The following CFAP43 variants were observed in gnomAD, a reference collection of about 807,000 sequenced individuals.
The protein encoded by CFAP43 is cilia- and flagella-associated protein 43.
A neutral mutation model predicts 218.9 loss-of-function variants in CFAP43; 155 were observed. That is an observed-to-expected ratio of 0.71 (90% confidence interval 0.62 to 0.81). The LOEUF is 0.81. Ranked by LOEUF, CFAP43 falls within the 30% of genes least tolerant of loss-of-function variation. The pLI is 0.00. For missense variants in CFAP43, 1,778 were observed against 1,954.3 expected (o/e 0.91, Z 1.70); for synonymous variants, 645 against 681.3 (o/e 0.95, Z 0.83).
intron 5 of CFAP43, among the ~76,000 whole-genome samples, chr10:104,211,044 G>A (rs2134969970): frequency 6.6e-6 from 1 of 151,966 alleles, no homozygotes; most frequent in South Asian, 2.1e-4. Flanking sequence ...ACCCGTCTCG[G>A]CCTCCCAAAG....
chr10:104,189,094 C>T (rs1207036303), intron 12 of CFAP43, among the ~76,000 whole-genome samples: 1 of 152,174 alleles, frequency 6.6e-6, no homozygotes, highest in Admixed American at 6.5e-5. Context: ...ACACTTTCCC[C>T]TTGTCTGTTT....
Position 104,133,629 on chromosome 10 carries a change from A to T in CFAP43, c.4587T>A (p.Asp1529Glu). Residue 1529 changes from aspartate to glutamate, a missense_variant, in exon 35 of 38, where the codon GAT (aspartate) becomes GAA (glutamate). This residue lies in a region of CFAP43 where 211 missense variants were observed against 230.6 expected (regional missense o/e 0.91). Coordinates refer to ENST00000357060, the MANE Select transcript of CFAP43 (RefSeq NM_025145.7). ...GGTAGGGAGAATTTACCTTTTGACGATCTCTTGAAAAAAATAGCATCTGAA... is the reference window on the plus strand; with the variant it reads ...GGTAGGGAGAATTTACCTTTTGACGTTCTCTTGAAAAAAATAGCATCTGAA... ...WDIQMLFFSR[D>E]RQKYLNEPNY... 1 of 1,611,048 alleles carries T rather than the reference A, an allele frequency of 6.2e-7. No homozygotes were observed. Among genetic ancestry groups the T allele is most frequent in the Middle Eastern group, 1.7e-4 (1 of 6,050 alleles).
At chr10:104,208,841 G>A (rs2090772047) in intron 5 of CFAP43, among the ~76,000 whole-genome samples, 1 of 152,120 alleles carries the variant, frequency 6.6e-6, no homozygotes, top group South Asian at 2.1e-4. Flanking sequence ...TTGAGATTAA[G>A]TTCATGATCT....
chr10:104,171,490 TC>T (rs1043768367), intron 20 of CFAP43, among the ~76,000 whole-genome samples: 1 of 152,218 alleles, frequency 6.6e-6, no homozygotes, highest in African/African-American at 2.4e-5. Flanking sequence ...GAAACCTCCC[TC>T]CTAGAGGCAT....
chr10:104,223,361 TAAACATAATG>T lies in CFAP43; in HGVS notation c.416+2090_416+2099del, dbSNP rs967116095. Among the ~76,000 whole-genome samples, 29 of 152,334 alleles carry T rather than the reference TAAACATAATG, an allele frequency of 1.9e-4. 1 individual carries two copies. Among genetic ancestry groups the T allele is most frequent in the African/African-American group, 7.0e-4 (29 of 41,580 alleles). On this transcript the variant is annotated intron_variant, in intron 3 of 37. Transcript: ENST00000357060. ...ATCATTTTTGAAACTCTGACTTAAA[TAAACATAATG>T]TAATAGACACTATTAGGTATGATGC... is the stretch of plus-strand genomic sequence containing the variant.
Position 104,194,008 on chromosome 10 carries a change from C to T in CFAP43, c.1300G>A (p.Val434Ile). ...SKIYLNTLATVLACCPSSLSA... is the reference protein window; with the variant it reads ...SKIYLNTLATILACCPSSLSA... ...AGGGAGGATGGACAGCAAGCCAGAA[C>T]CGTTGCCTGTTTAAAATAAACCCCA... is the stretch of plus-strand genomic sequence containing the variant. Residue 434 changes from valine to isoleucine, a missense_variant, in exon 11 of 38, where the codon GTT (valine) becomes ATT (isoleucine). Val to Ile is a conservative substitution (Grantham distance 29). Transcript: ENST00000357060. The T allele has an allele frequency of 6.2e-7, 1 of 1,613,372 alleles. No individual in the cohort carries two copies. Among genetic ancestry groups the T allele is most frequent in the East Asian group, 2.2e-5 (1 of 44,882 alleles).
chr10:104,214,337 T>G lies in CFAP43; in HGVS notation c.506A>C (p.Gln169Pro). 1.2e-6 allele frequency: 2 copies of G among 1,612,240 alleles called. No homozygotes were observed. Among genetic ancestry groups the G allele is most frequent in the Non-Finnish European group, 1.7e-6 (2 of 1,178,930 alleles). ...TGTACTTGGACTTGATAAGCACAGC[T>G]GGCGCCAGTTCATGGGGTTAAAAGA... ...QMSFNPMNWR[Q>P]LCLSSPSTVS... The change falls in exon 4 of 38, where the codon CAG becomes CCG. Residue 169 changes from glutamine to proline, a missense_variant. Gln to Pro is a moderately conservative substitution (Grantham distance 76). This residue lies in a region of CFAP43 where 1,553 missense variants were observed against 1,685.2 expected (regional missense o/e 0.92). Coordinates refer to ENST00000357060, the MANE Select transcript of CFAP43 (RefSeq NM_025145.7).
intron 19 of CFAP43, 71 bp downstream of exon 19, chr10:104,178,958 C>CA (rs1045472106): frequency 3.5e-4 from 431 of 1,229,336 alleles, no homozygotes; most frequent in Non-Finnish European, 3.0e-4. Flanking sequence ...CAGGGTAGAA[C>CA]AAAATTAAGT....
chr10:104,152,855 C>G (rs1401252370), intron 27 of CFAP43, 129 bp from the exon 28 acceptor site: 64 of 926,164 alleles, frequency 6.9e-5, no homozygotes, highest in Non-Finnish European at 9.3e-5. Flanking sequence ...GGGCTCTGTA[C>G]TCTCTTAAAC....
chr10:104,133,601 G>C lies in CFAP43; in HGVS notation c.4596+19C>G, dbSNP rs755427644. 38 of 1,603,552 alleles carry C rather than the reference G, an allele frequency of 2.4e-5. No homozygotes were observed. The East Asian group carries it at 8.3e-4, about 35-fold the overall frequency. The stretch of plus-strand genomic sequence containing the variant: ...AATGAATAAAATTAAAACTATGTAG[G>C]GGGGTAGGGAGAATTTACCTTTTGA... On this transcript the variant is annotated intron_variant, in intron 35 of 37. Transcript: ENST00000357060.
At chr10:104,168,382 A>G (rs1368103878) in intron 21 of CFAP43, among the ~76,000 whole-genome samples, 2 of 152,200 alleles carry the variant, frequency 1.3e-5, no homozygotes, top group African/African-American at 4.8e-5. Flanking sequence ...CTCCTTAGAA[A>G]ATGGGAAGGC....
chr10:104,149,997 T>C (rs2088170612), intron 28 of CFAP43, among the ~76,000 whole-genome samples: 1 of 152,214 alleles, frequency 6.6e-6, no homozygotes, highest in Non-Finnish European at 1.5e-5. Flanking sequence ...TTTATAAATT[T>C]GCCGTTTTAG....
chr10:104,141,097 C>A, intron 33 of CFAP43, 96 bp from the exon 34 acceptor site: 1 of 1,254,462 alleles, frequency 8.0e-7, no homozygotes, highest in Non-Finnish European at 1.1e-6. Context: ...TTAAGGAAAA[C>A]ATGCTGGAGA....
intron 16 of CFAP43, among the ~76,000 whole-genome samples, chr10:104,184,258 CG>C (rs1034218815): frequency 1.1e-4 from 16 of 152,100 alleles, no homozygotes; most frequent in African/African-American, 3.6e-4. Context: ...CTCCCTAAAA[CG>C]GATCCCCTCC....
At chr10:104,199,827 C>T (rs930544362) in intron 8 of CFAP43, among the ~76,000 whole-genome samples, 4 of 135,916 alleles carry the variant, frequency 2.9e-5, no homozygotes, top group Admixed American at 7.5e-5. Context: ...CTTACACAAA[C>T]GCTTGAATGT....
At chr10:104,130,401 A>G (rs2087124106) in intron 37 of CFAP43, 96 bp from the exon 38 acceptor site, 1 of 1,402,716 alleles carries the variant, frequency 7.1e-7, no homozygotes, top group Non-Finnish European at 9.7e-7. Context: ...AAATGCTGGT[A>G]GCAAAAAGGC....
At position 104,182,471 on chromosome 10, in the gene CFAP43, G is replaced by A. The variant is rs745356064; in HGVS notation, c.2184C>T (p.Tyr728=). 9 of 1,611,506 alleles carry A rather than the reference G, an allele frequency of 5.6e-6. No homozygotes were observed. In the Admixed American group the frequency reaches 1.2e-4, roughly 21 times the overall value. The change falls in exon 17 of 38, where the codon TAC becomes TAT. Residue 728 remains tyrosine (Y), a synonymous_variant. Coordinates refer to ENST00000357060, the MANE Select transcript of CFAP43 (RefSeq NM_025145.7). ...TGCTCAGGGAAATTAATAGTTTCTG[G>A]TAATAGTCCAGAATTTCACTGGCTA... is the stretch of plus-strand genomic sequence containing the variant. ...GHLASEILDY[Y]QKLLISLSSA...
chr10:104,186,367 C>T (rs2090030070), intron 14 of CFAP43, among the ~76,000 whole-genome samples: 1 of 152,166 alleles, frequency 6.6e-6, no homozygotes, highest in Non-Finnish European at 1.5e-5. Context: ...TCTTTATTTA[C>T]TTGCCATTAA....
At chr10:104,174,938 C>T (rs2089559755) in intron 19 of CFAP43, among the ~76,000 whole-genome samples, 1 of 151,692 alleles carries the variant, frequency 6.6e-6, no homozygotes, top group African/African-American at 2.4e-5. Context: ...ACCTGTAGTC[C>T]CAGCTACTCG....
Sources: allele counts gnomAD v4.1 joint callset (sites outside exome capture counted in the v4.1 genomes callset), GRCh38; gene constraint gnomAD v4.1.1; regional missense constraint gnomAD v4.1.1; transcripts MANE v1.5; gene names NCBI Gene and HGNC (gene_info 2026-07-23, HGNC 2026-07-21).